Variants in SMYD3 observed in about 807,000 individuals in gnomAD.
SMYD3 encodes histone-lysine N-methyltransferase SMYD3.
In SMYD3, 36 loss-of-function variants were observed where a neutral mutation model predicts 57.7. The observed-to-expected ratio is 0.62, with a 90% confidence interval of 0.48 to 0.82. The LOEUF (loss-of-function observed/expected upper bound fraction) is 0.82. Among genes scored for constraint, SMYD3 ranks in the 40% least tolerant of loss-of-function variants. SMYD3 has a pLI of 0.00. For synonymous variants in SMYD3, 211 were observed against 195.0 expected (o/e 1.08, Z -0.68); for missense variants, 515 against 538.8 (o/e 0.96, Z 0.44).
At chr1:245,845,908 T>C (rs2050639650) in intron 10 of SMYD3, among the ~76,000 whole-genome samples, 4 of 152,248 alleles carry the variant, frequency 2.6e-5, no homozygotes, top group Admixed American at 2.0e-4. Context: ...TTCAAGAATG[T>C]CTGTCCCATT....
intron 5 of SMYD3, among the ~76,000 whole-genome samples, chr1:245,964,796 TAA>T (rs557500237): frequency 3.0e-5 from 4 of 131,302 alleles, no homozygotes; most frequent in African/African-American, 5.5e-5. Flanking sequence ...ACAAAGATTG[TAA>T]AAAAAAAAAA....
At chr1:246,317,139 T>C (rs1558397299) in intron 5 of SMYD3, among the ~76,000 whole-genome samples, 2 of 152,340 alleles carry the variant, frequency 1.3e-5, no homozygotes, top group East Asian at 3.9e-4. Flanking sequence ...GCAGTTTTCT[T>C]ACTATACCAT....
At position 246,507,094 on chromosome 1, in the gene SMYD3, T is replaced by G. The variant is rs2068556248; in HGVS notation, c.124A>C (p.Lys42Gln). 1 of 1,528,168 alleles carries G rather than the reference T, an allele frequency of 6.5e-7. No homozygotes were observed. Among genetic ancestry groups the G allele is most frequent in the East Asian group, 2.6e-5 (1 of 37,790 alleles). The allele number at this position is 1,528,168 out of a possible 1,614,324, so 94.7% of individuals were successfully genotyped here. ...TCGCAGACGACGCCACGACTCCCCT[T>G]GCACACCGTGTACGCCAAGGGATCC... ...RSDPLAYTVCKGSRGVVCDRC... is the reference protein window; with the variant it reads ...RSDPLAYTVCQGSRGVVCDRC... The change falls in exon 1 of 12, where the codon AAG becomes CAG. Residue 42 changes from lysine to glutamine, a missense_variant. Lys to Gln is a moderately conservative substitution (Grantham distance 53). Transcript: ENST00000490107.
At chr1:245,946,888 T>G (rs563910818) in intron 5 of SMYD3, among the ~76,000 whole-genome samples, 1 of 152,308 alleles carries the variant, frequency 6.6e-6, no homozygotes, top group South Asian at 2.1e-4. Context: ...TTTGACAAAT[T>G]TTAGCCTTCC....
intron 5 of SMYD3, among the ~76,000 whole-genome samples, chr1:245,950,525 C>T (rs570966210): frequency 6.6e-6 from 1 of 152,214 alleles, no homozygotes; most frequent in Non-Finnish European, 1.5e-5. Context: ...TCAGTCACTA[C>T]ACAGATTGGC....
intron 5 of SMYD3, chr1:246,109,792 T>G (rs1247300356): frequency 1.3e-5 from 2 of 152,228 alleles, no homozygotes; most frequent in African/African-American, 2.4e-5. Flanking sequence ...GTGCTTACCA[T>G]GGGGCTGCGC....
rs553089757 is a variant in SMYD3, at chr1:246,285,897, T to C, written c.531+41304A>G. Reference sequence around the variant, plus strand: ...CAAACATATGAAAAAATGCACAACCTCACTAATGATCAGGGAAACAAAAAT... The same window carrying C: ...CAAACATATGAAAAAATGCACAACCCCACTAATGATCAGGGAAACAAAAAT... On this transcript the variant is annotated intron_variant, in intron 5 of 11. Transcript: ENST00000490107. 7.2e-5 allele frequency among the ~76,000 whole-genome samples: 11 copies of C among 152,020 alleles called. No homozygotes were observed. The South Asian group carries it at 2.3e-3, about 32-fold the overall frequency.
rs151019579 is a variant in SMYD3 at position 246,067,999 on chromosome 1, C to T, written c.532-138062G>A. ...AAGGAACAAGAGACCGTGTGGAGGG[C>T]CCATGAGAATGAATTTGTGGTTTGC... is the stretch of plus-strand genomic sequence containing the variant. On this transcript the variant is annotated intron_variant, in intron 5 of 11. Coordinates refer to ENST00000490107, the MANE Select transcript of SMYD3 (RefSeq NM_001167740.2). Among the ~76,000 whole-genome samples the T allele has an allele frequency of 1.4e-3, 218 of 152,218 alleles. 2 individuals are homozygous for T. The highest frequency in any genetic ancestry group is 5.0e-3 in the African/African-American group (209 of 41,518).
chr1:245,844,005 A>G (rs968070127), intron 10 of SMYD3, among the ~76,000 whole-genome samples: 1 of 152,202 alleles, frequency 6.6e-6, no homozygotes, highest in Non-Finnish European at 1.5e-5. Context: ...ATTATTGGGT[A>G]CCTGAGGTGT....
chr1:246,467,788 A>T (rs142616067), intron 1 of SMYD3, among the ~76,000 whole-genome samples: 1 of 152,314 alleles, frequency 6.6e-6, no homozygotes, highest in East Asian at 1.9e-4. Flanking sequence ...TGACAGCAAA[A>T]CCAGACAGAC....
chr1:246,044,887 T>C (rs1171346570), intron 5 of SMYD3, among the ~76,000 whole-genome samples: 1 of 152,128 alleles, frequency 6.6e-6, no homozygotes, highest in Non-Finnish European at 1.5e-5. Flanking sequence ...AAAATATTGC[T>C]TTGAGAGTAT....
At chr1:245,821,015 T>C (rs1429663752) in intron 10 of SMYD3, among the ~76,000 whole-genome samples, 2 of 150,958 alleles carry the variant, frequency 1.3e-5, no homozygotes, top group Non-Finnish European at 3.0e-5. Context: ...AAGCTACCAA[T>C]GCCTTTCTTC....
At chr1:246,249,151 A>G (rs12404014) in intron 5 of SMYD3, among the ~76,000 whole-genome samples, 31,463 of 151,492 alleles carry the variant, frequency 0.21, 3,968 homozygotes, top group East Asian at 0.58. Flanking sequence ...TCACTCTGTC[A>G]CCCAGGCTGG....
At chr1:246,010,613 C>T (rs756545017) in intron 5 of SMYD3, among the ~76,000 whole-genome samples, 9 of 152,098 alleles carry the variant, frequency 5.9e-5, no homozygotes, top group African/African-American at 9.7e-5. Flanking sequence ...AACAGTGTGA[C>T]GGAGAAAGTC....
intron 5 of SMYD3, among the ~76,000 whole-genome samples, chr1:246,116,288 T>C (rs2061342099): frequency 6.6e-6 from 1 of 150,974 alleles, no homozygotes; most frequent in Non-Finnish European, 1.5e-5. Flanking sequence ...TCCTAACCAG[T>C]AGAGTACAGC....
intron 1 of SMYD3, among the ~76,000 whole-genome samples, chr1:246,470,520 A>AT (rs1553353171): frequency 0.013 from 1,779 of 141,766 alleles, 17 homozygotes; most frequent in Middle Eastern, 0.058. Context: ...TAAAAAAAAA[A>AT]ATATATATAT....
intron 2 of SMYD3, among the ~76,000 whole-genome samples, chr1:246,336,707 G>A (rs1478062883): frequency 6.6e-6 from 1 of 152,086 alleles, no homozygotes; most frequent in Non-Finnish European, 1.5e-5. Context: ...AATCCAAATG[G>A]TAGGTATTAT....
At chr1:246,223,804 C>A (rs1256970044) in intron 5 of SMYD3, among the ~76,000 whole-genome samples, 1 of 152,086 alleles carries the variant, frequency 6.6e-6, no homozygotes, top group African/African-American at 2.4e-5. Context: ...ATTGTGTACA[C>A]TAAATGGTCC....
intron 10 of SMYD3, among the ~76,000 whole-genome samples, chr1:245,837,007 T>C (rs1475195989): frequency 6.6e-6 from 1 of 152,142 alleles, no homozygotes; most frequent in Non-Finnish European, 1.5e-5. Flanking sequence ...AATATTTTGA[T>C]AGTCAATTAC....
Sources: allele counts gnomAD v4.1 joint callset (sites outside exome capture counted in the v4.1 genomes callset), GRCh38; gene constraint gnomAD v4.1.1; transcripts MANE v1.5; gene names NCBI Gene and HGNC (gene_info 2026-07-23, HGNC 2026-07-21).